Variants in ADAM17 observed in about 807,000 individuals in gnomAD.
The protein encoded by ADAM17 is ADAM metallopeptidase domain 17.
ADAM17 carries 39 observed loss-of-function variants against 96.7 expected under a neutral mutation model. That is an observed-to-expected ratio of 0.40 (90% CI 0.31 to 0.53). The LOEUF is 0.53. ADAM17 is among the 20% of genes least tolerant of loss of function. The probability of loss-of-function intolerance (pLI) is 0.44; values close to 1 mark genes in which losing one functional copy is unlikely to be tolerated. For missense variants in ADAM17, 777 were observed against 1,013.2 expected, an observed-to-expected ratio of 0.77 and a Z score of 3.17; for synonymous variants, 344 against 359.2, an observed-to-expected ratio of 0.96 and a Z score of 0.48.
chr2:9,495,861 T>C (rs913010333), intron 14 of ADAM17, among the ~76,000 whole-genome samples: 45 of 77,354 alleles, frequency 5.8e-4, no homozygotes, highest in African/African-American at 1.8e-3. Context: ...ACGTGTTACC[T>C]TTTTTTTTTT....
chr2:9,555,115 C>T (rs1428673671), intron 1 of ADAM17, among the ~76,000 whole-genome samples: 1 of 152,150 alleles, frequency 6.6e-6, no homozygotes, highest in African/African-American at 2.4e-5. Context: ...CCCTTCCTTT[C>T]TGGCTCTGGT....
intron 1 of ADAM17, among the ~76,000 whole-genome samples, chr2:9,545,208 C>T (rs1369235301): frequency 6.6e-6 from 1 of 152,172 alleles, no homozygotes; most frequent in Non-Finnish European, 1.5e-5. Flanking sequence ...CAGAAATCCG[C>T]CCAGTGGGAT....
intron 11 of ADAM17, 127 bp downstream of exon 11, chr2:9,509,852 A>C: frequency 2.5e-6 from 3 of 1,213,954 alleles, no homozygotes; most frequent in Non-Finnish European, 3.5e-6. Flanking sequence ...GTTTCAAGGT[A>C]CTTTGTAATT....
intron 12 of ADAM17, among the ~76,000 whole-genome samples, chr2:9,504,226 C>G (rs1441196171): frequency 6.6e-6 from 1 of 151,842 alleles, no homozygotes; most frequent in Admixed American, 6.6e-5. Flanking sequence ...GTGGGCAGAT[C>G]ATGAAGTCAG....
At position 9,535,859 on chromosome 2, in the gene ADAM17, G is replaced by C. The variant is rs1664940622; in HGVS notation, c.425C>G (p.Thr142Arg). Residue 142 changes from threonine (T) to arginine (R), a missense_variant, in exon 4 of 19, where the codon ACA becomes AGA. Physicochemically the swap from Thr to Arg is moderately conservative, Grantham distance 71. This residue lies in a region of ADAM17 where 446 missense variants were observed against 664.7 expected (regional missense o/e 0.67). Coordinates refer to ENST00000310823, the MANE Select transcript of ADAM17 (RefSeq NM_003183.6). Reference protein sequence around the residue: ...RDDDVIIRINTDGAEYNIEPL... With the variant: ...RDDDVIIRINRDGAEYNIEPL... Reference sequence around the variant, plus strand: ...CTCTATGTTATATTCGGCCCCATCTGTGTTGATTCTGATTATAACATCATC... The same window carrying C: ...CTCTATGTTATATTCGGCCCCATCTCTGTTGATTCTGATTATAACATCATC... 1 of 1,603,656 alleles carries C rather than the reference G, an allele frequency of 6.2e-7. No individual in the cohort carries two copies. Among genetic ancestry groups the C allele is most frequent in the Non-Finnish European group, 8.5e-7 (1 of 1,174,514 alleles).
chr2:9,489,745 A>G lies in ADAM17; in HGVS notation c.*432T>C, dbSNP rs189060518. On this transcript the variant is annotated 3_prime_UTR_variant, in exon 19 of 19. Transcript: ENST00000310823. ...GAAGGCAAAAAAAAAAAAAAAAAAA[A>G]AAAACTATTCCAGTTGTCATCACAA... is the stretch of plus-strand genomic sequence containing the variant. The G allele has an allele frequency of 6.8e-6, 1 of 148,146 alleles. No homozygotes were observed. The highest frequency in any genetic ancestry group is 6.7e-5 in the Admixed American group (1 of 14,898). The allele number at this position is 148,146 out of a possible 1,614,324, so 9.2% of individuals were successfully genotyped here.
At chr2:9,490,602 G>A in intron 18 of ADAM17, 84 bp from the exon 19 acceptor site, 4 of 1,362,180 alleles carry the variant, frequency 2.9e-6, no homozygotes, top group Non-Finnish European at 3.0e-6. Flanking sequence ...CCATCAAACA[G>A]CCTCTTATTC....
chr2:9,531,549 A>C (rs1042147732), intron 4 of ADAM17, among the ~76,000 whole-genome samples: 2 of 152,020 alleles, frequency 1.3e-5, no homozygotes, highest in African/African-American at 4.8e-5. Context: ...CAAAAATATA[A>C]AAACTAGCCG....
intron 1 of ADAM17, among the ~76,000 whole-genome samples, chr2:9,548,910 T>C (rs922399106): frequency 6.6e-6 from 1 of 152,302 alleles, no homozygotes; most frequent in African/African-American, 2.4e-5. Flanking sequence ...TACAGAAGAT[T>C]AGATAAACCT....
intron 4 of ADAM17, among the ~76,000 whole-genome samples, chr2:9,533,055 G>A (rs1162670553): frequency 6.6e-6 from 1 of 151,924 alleles, no homozygotes; most frequent in African/African-American, 2.4e-5. Context: ...GGGGCATGGT[G>A]GCACACGCCT....
chr2:9,522,315 T>C (rs1664348941), intron 7 of ADAM17: 3 of 506,524 alleles, frequency 5.9e-6, no homozygotes, highest in Non-Finnish European at 1.1e-5. Flanking sequence ...TCTAGAAAGA[T>C]ACATATGAAA....
At chr2:9,519,725 C>G (rs1334147112) in intron 8 of ADAM17, among the ~76,000 whole-genome samples, 1 of 152,130 alleles carries the variant, frequency 6.6e-6, no homozygotes, top group Non-Finnish European at 1.5e-5. Context: ...TATACACACA[C>G]ACTGAGGGAA....
chr2:9,536,628 A>T, intron 3 of ADAM17, 70 bp downstream of exon 3: 1 of 1,588,412 alleles, frequency 6.3e-7, no homozygotes, highest in Non-Finnish European at 8.6e-7. Context: ...AGAAAAGAAT[A>T]TGCAATCAAG....
At chr2:9,513,859 A>G (rs1663879085) in intron 10 of ADAM17, among the ~76,000 whole-genome samples, 1 of 152,052 alleles carries the variant, frequency 6.6e-6, no homozygotes, top group South Asian at 2.1e-4. Flanking sequence ...TAAAAATACA[A>G]AATTAGCTGG....
Position 9,490,160 on chromosome 2 carries a change from A to G in ADAM17, c.*17T>C. The G allele has an allele frequency of 6.3e-7, 1 of 1,575,388 alleles. No homozygotes were observed. Among genetic ancestry groups the G allele is most frequent in the South Asian group, 1.1e-5 (1 of 88,320 alleles). On this transcript the variant is annotated 3_prime_UTR_variant, in exon 19 of 19. Transcript: ENST00000310823. ...AAAATATTTTGCACACTTAAGTCAGAAGAGCTGAGAACTAAATTAGCACTC... is the reference window on the plus strand; with the variant it reads ...AAAATATTTTGCACACTTAAGTCAGGAGAGCTGAGAACTAAATTAGCACTC...
intron 13 of ADAM17, among the ~76,000 whole-genome samples, chr2:9,500,522 CTG>C (rs1662935370): frequency 6.6e-6 from 1 of 152,132 alleles, no homozygotes; most frequent in Non-Finnish European, 1.5e-5. Context: ...AATCATTAAA[CTG>C]TACACTTTAA....
intron 1 of ADAM17, among the ~76,000 whole-genome samples, chr2:9,544,175 C>A (rs1026105881): frequency 2.6e-5 from 4 of 152,130 alleles, no homozygotes; most frequent in Admixed American, 1.3e-4. Flanking sequence ...AGCAATTAGG[C>A]CTTTACCTTC....
At chr2:9,520,795 C>G (rs1258596395) in intron 8 of ADAM17, among the ~76,000 whole-genome samples, 1 of 151,628 alleles carries the variant, frequency 6.6e-6, no homozygotes, top group Non-Finnish European at 1.5e-5. Context: ...GAAACCCTGT[C>G]TCTACTAAAA....
intron 5 of ADAM17, among the ~76,000 whole-genome samples, chr2:9,526,616 T>C (rs1034967265): frequency 2.6e-5 from 4 of 152,032 alleles, no homozygotes; most frequent in Non-Finnish European, 4.4e-5. Flanking sequence ...GCCAACATGA[T>C]GAAACCCCAT....
Sources: gnomAD v4.1 joint callset for allele counts (sites outside exome capture counted in the v4.1 genomes callset) on GRCh38, gnomAD v4.1.1 for gene constraint, gnomAD v4.1.1 regional missense constraint, MANE v1.5 for transcripts, NCBI Gene and HGNC (gene_info 2026-07-23, HGNC 2026-07-21) for gene names.